Variants in MAPDA observed in about 807,000 individuals in gnomAD.
MAPDA encodes N6,N6-dimethyl-AMP deaminase.
At chr15:43,340,231 T>C in the MAPDA span, 1 of 1,581,548 alleles carries the variant, frequency 6.3e-7, no homozygotes, top group Admixed American at 1.7e-5. Flanking sequence ...TACCCAAACA[T>C]TATCAATATT....
the MAPDA span, among the ~76,000 whole-genome samples, chr15:43,331,018 G>C: frequency 5.3e-5 from 8 of 152,174 alleles, no homozygotes; most frequent in East Asian, 1.5e-3. Context: ...TCTCACAGTT[G>C]CAAAAGAGAA....
At chr15:43,335,789 A>G in the MAPDA span, 1 of 1,613,964 alleles carries the variant, frequency 6.2e-7, no homozygotes, top group South Asian at 1.1e-5. Context: ...CGATCAGATG[A>G]CTGTGATTGA....
chr15:43,345,904 CTG>C, the MAPDA span: 2 of 1,614,098 alleles, frequency 1.2e-6, no homozygotes, highest in Non-Finnish European at 1.7e-6. Flanking sequence ...GCCAAGGAGA[CTG>C]TAAAACTTGC....
the MAPDA span, chr15:43,352,439 ATCCCAG>A: frequency 6.6e-6 from 1 of 152,340 alleles, no homozygotes; most frequent in Non-Finnish European, 1.5e-5. Context: ...CATGCCTGTA[ATCCCAG>A]CACTTTGGGA....
chr15:43,340,973 T>C, the MAPDA span, among the ~76,000 whole-genome samples: 1 of 152,198 alleles, frequency 6.6e-6, no homozygotes, highest in South Asian at 2.1e-4. Flanking sequence ...ATTCATTCGC[T>C]TCTCAGGGAA....
chr15:43,353,955 G>A, the MAPDA span: 1 of 152,172 alleles, frequency 6.6e-6, no homozygotes, highest in Admixed American at 6.5e-5. Context: ...GAGGGGTCAT[G>A]GGAACCCTGA....
At chr15:43,348,933 A>G in the MAPDA span, 18 of 1,614,068 alleles carry the variant, frequency 1.1e-5, no homozygotes, top group Non-Finnish European at 1.4e-5. Context: ...AAGAAACACA[A>G]ATACTCCTGG....
the MAPDA span, among the ~76,000 whole-genome samples, chr15:43,337,711 C>A: frequency 6.6e-6 from 1 of 152,162 alleles, no homozygotes; most frequent in Non-Finnish European, 1.5e-5. Context: ...AAAGACTGAT[C>A]TTCATGATAA....
chr15:43,346,327 G>T, the MAPDA span, among the ~76,000 whole-genome samples: 1 of 152,056 alleles, frequency 6.6e-6, no homozygotes, highest in Non-Finnish European at 1.5e-5. Flanking sequence ...GGGCTTAACT[G>T]TCTCATAGAT....
At chr15:43,346,529 C>T in the MAPDA span, among the ~76,000 whole-genome samples, 2 of 152,244 alleles carry the variant, frequency 1.3e-5, no homozygotes, top group Non-Finnish European at 2.9e-5. Flanking sequence ...CAGACATTGC[C>T]AAGTGTCCCC....
chr15:43,330,569 TA>T, the MAPDA span: 2 of 1,452,332 alleles, frequency 1.4e-6, no homozygotes, highest in Non-Finnish European at 1.8e-6. Flanking sequence ...CGGACCTCGG[TA>T]GGGGGAAAAA....
the MAPDA span, among the ~76,000 whole-genome samples, chr15:43,343,417 C>A: frequency 2.0e-5 from 3 of 152,200 alleles, no homozygotes; most frequent in African/African-American, 7.2e-5. Flanking sequence ...TACACGTGGG[C>A]CTGCTGTCTG....
At chr15:43,346,428 C>G in the MAPDA span, among the ~76,000 whole-genome samples, 2 of 152,110 alleles carry the variant, frequency 1.3e-5, no homozygotes, top group Non-Finnish European at 2.9e-5. Context: ...TGGGGCTGCC[C>G]CATGCATTGT....
chr15:43,350,137 C>T, the MAPDA span, among the ~76,000 whole-genome samples: 1 of 152,074 alleles, frequency 6.6e-6, no homozygotes, highest in South Asian at 2.1e-4. Flanking sequence ...GGCGCGATAG[C>T]TCACTGCAAG....
the MAPDA span, chr15:43,349,205 A>G: frequency 1.4e-6 from 2 of 1,422,496 alleles, no homozygotes; most frequent in Non-Finnish European, 1.8e-6. Context: ...TAAAACAGAA[A>G]GCTTTAGCTT....
At chr15:43,335,151 A>C in the MAPDA span, 1 of 1,613,978 alleles carries the variant, frequency 6.2e-7, no homozygotes, top group Non-Finnish European at 8.5e-7. Flanking sequence ...ACAGACTTCT[A>C]TTCTGAATTG....
At chr15:43,349,365 T>C in the MAPDA span, 1 of 982,128 alleles carries the variant, frequency 1.0e-6, no homozygotes, top group Non-Finnish European at 1.3e-6. Flanking sequence ...TGACATGTGT[T>C]ATGAAAATAT....
the MAPDA span, among the ~76,000 whole-genome samples, chr15:43,349,700 A>G: frequency 6.6e-6 from 1 of 152,270 alleles, no homozygotes; most frequent in Non-Finnish European, 1.5e-5. Context: ...GGTTGGCTGC[A>G]AACTATTTTA....
the MAPDA span, chr15:43,330,666 G>A: frequency 4.3e-6 from 3 of 690,978 alleles, no homozygotes; most frequent in Admixed American, 3.7e-5. Flanking sequence ...CAGAATTGAG[G>A]AGGGTGTAGC....
Sources: allele counts gnomAD v4.1 joint callset (sites outside exome capture counted in the v4.1 genomes callset), GRCh38; gene constraint gnomAD v4.1.1; transcripts MANE v1.5; gene names NCBI Gene and HGNC (gene_info 2026-07-23, HGNC 2026-07-21).